NRG3: variants seen among roughly 807,000 people sequenced by gnomAD.
NRG3 encodes the protein neuregulin 3, also known as pro-neuregulin-3, membrane-bound isoform.
In NRG3, 31 loss-of-function variants were observed where a neutral mutation model predicts 66.9. That is an observed-to-expected ratio of 0.46 (90% CI 0.35 to 0.63). The LOEUF is 0.63. Among genes scored for constraint, NRG3 ranks in the 20% least tolerant of loss-of-function variants. The probability of loss-of-function intolerance (pLI) is 0.00; values close to 1 mark genes in which losing one functional copy is unlikely to be tolerated. For synonymous variants in NRG3, 393 were observed against 359.4 expected, an observed-to-expected ratio of 1.09 and a Z score of -1.06; for missense variants, 910 against 878.9, an observed-to-expected ratio of 1.04 and a Z score of -0.45.
chr10:82,280,295 G>A (rs1343116831), intron 1 of NRG3, among the ~76,000 whole-genome samples: 1 of 152,134 alleles, frequency 6.6e-6, no homozygotes, highest in Non-Finnish European at 1.5e-5. Context: ...TAAAACAGGT[G>A]GGTTCCCTTA....
intron 4 of NRG3, among the ~76,000 whole-genome samples, chr10:82,878,999 C>A (rs1327604552): frequency 6.6e-6 from 1 of 152,164 alleles, no homozygotes. Context: ...GTGGTTGATT[C>A]CTTCTCATAA....
At chr10:82,767,852 A>G (rs1473044197) in intron 3 of NRG3, among the ~76,000 whole-genome samples, 2 of 149,030 alleles carry the variant, frequency 1.3e-5, no homozygotes, top group African/African-American at 2.5e-5. Context: ...ATATTTTCTT[A>G]TTTTCTATGA....
chr10:82,813,682 C>T (rs533492521), intron 3 of NRG3, among the ~76,000 whole-genome samples: 1 of 152,214 alleles, frequency 6.6e-6, no homozygotes, highest in Non-Finnish European at 1.5e-5. Context: ...ATTAATTAAA[C>T]GGGCTGTCTT....
At chr10:82,895,726 G>A (rs891983298) in intron 4 of NRG3, among the ~76,000 whole-genome samples, 6 of 152,140 alleles carry the variant, frequency 3.9e-5, no homozygotes, top group African/African-American at 9.6e-5. Flanking sequence ...TCCTCACCTC[G>A]TGATCCGCCC....
chr10:82,702,536 G>C (rs2055964439), intron 2 of NRG3, among the ~76,000 whole-genome samples: 1 of 152,166 alleles, frequency 6.6e-6, no homozygotes. Flanking sequence ...ATGTAACTGA[G>C]AAACAAGAAC....
intron 2 of NRG3, among the ~76,000 whole-genome samples, chr10:82,498,961 C>A (rs1227688894): frequency 6.6e-6 from 1 of 152,018 alleles, no homozygotes; most frequent in Non-Finnish European, 1.5e-5. Flanking sequence ...AGATGAGACT[C>A]CAGGGCATCA....
At chr10:82,982,669 T>C (rs572664620) in intron 8 of NRG3, among the ~76,000 whole-genome samples, 1 of 152,170 alleles carries the variant, frequency 6.6e-6, no homozygotes, top group Admixed American at 6.5e-5. Flanking sequence ...AAGTTAGTGT[T>C]ACTACCTGAT....
At chr10:82,773,717 CT>C (rs1285439772) in intron 3 of NRG3, among the ~76,000 whole-genome samples, 1 of 151,994 alleles carries the variant, frequency 6.6e-6, no homozygotes, top group Non-Finnish European at 1.5e-5. Flanking sequence ...TCTTATATCT[CT>C]TGCTAGCACT....
At chr10:82,670,442 T>A (rs2053177462) in intron 2 of NRG3, among the ~76,000 whole-genome samples, 1 of 151,888 alleles carries the variant, frequency 6.6e-6, no homozygotes, top group Non-Finnish European at 1.5e-5. Context: ...TCAGTCACGC[T>A]TATTATTCAG....
intron 4 of NRG3, among the ~76,000 whole-genome samples, chr10:82,901,651 A>G (rs1302451183): frequency 2.0e-5 from 3 of 152,226 alleles, no homozygotes; most frequent in Non-Finnish European, 2.9e-5. Flanking sequence ...AATGGTACAT[A>G]CAGAACAGGT....
intron 2 of NRG3, among the ~76,000 whole-genome samples, chr10:82,573,335 A>T (rs2045849487): frequency 6.6e-6 from 1 of 151,794 alleles, no homozygotes; most frequent in South Asian, 2.1e-4. Context: ...TTAATTTTTC[A>T]AAGTTTACTT....
At chr10:82,111,408 T>G (rs1203025506) in intron 1 of NRG3, among the ~76,000 whole-genome samples, 3 of 152,190 alleles carry the variant, frequency 2.0e-5, no homozygotes, top group African/African-American at 7.2e-5. Context: ...ATATTCTTAA[T>G]TGAGTTTGAT....
At chr10:82,857,310 AG>A (rs1247668333) in intron 3 of NRG3, among the ~76,000 whole-genome samples, 1 of 152,216 alleles carries the variant, frequency 6.6e-6, no homozygotes, top group Admixed American at 6.5e-5. Flanking sequence ...AGGTATCAGC[AG>A]TGGAGTTTTG....
intron 1 of NRG3, among the ~76,000 whole-genome samples, chr10:81,936,552 G>A (rs547236814): frequency 5.9e-5 from 9 of 152,272 alleles, no homozygotes; most frequent in African/African-American, 1.9e-4. Flanking sequence ...GTACAGAAGT[G>A]AGTGGGAGAA....
At position 82,181,929 on chromosome 10, in the gene NRG3, G is replaced by A. The variant is rs77804940; in HGVS notation, c.824-176810G>A. 2.0e-5 allele frequency among the ~76,000 whole-genome samples: 3 copies of A among 151,630 alleles called. No homozygotes were observed. In the South Asian group the frequency reaches 6.2e-4, roughly 31 times the overall value. ...CAATGTTTGCTTCATATGTTTAGAT[G>A]CTCTGATATTGTATACATATGTATT... On this transcript the variant is annotated intron_variant, in intron 1 of 8. Coordinates refer to ENST00000372141, the MANE Select transcript of NRG3 (RefSeq NM_001010848.4).
intron 1 of NRG3, among the ~76,000 whole-genome samples, chr10:82,312,014 C>T (rs1429085944): frequency 6.6e-6 from 1 of 152,174 alleles, no homozygotes; most frequent in Non-Finnish European, 1.5e-5. Flanking sequence ...GACACATGAT[C>T]TTCAAATGTG....
chr10:82,788,420 AT>A (rs1298368960), intron 3 of NRG3, among the ~76,000 whole-genome samples: 1 of 152,044 alleles, frequency 6.6e-6, no homozygotes, highest in Admixed American at 6.6e-5. Context: ...AAATACAAAA[AT>A]TACCTGGGCA....
intron 2 of NRG3, among the ~76,000 whole-genome samples, chr10:82,629,972 A>G (rs545323287): frequency 6.6e-6 from 1 of 152,152 alleles, no homozygotes; most frequent in Non-Finnish European, 1.5e-5. Context: ...GTGATTTTGT[A>G]TCATTCTGGG....
intron 1 of NRG3, among the ~76,000 whole-genome samples, chr10:82,103,798 C>T (rs937985644): frequency 6.6e-6 from 1 of 152,014 alleles, no homozygotes; most frequent in Non-Finnish European, 1.5e-5. Context: ...CGTGCCTGGG[C>T]TGCCACTACC....
Sources: allele counts gnomAD v4.1 joint callset (sites outside exome capture counted in the v4.1 genomes callset), GRCh38; gene constraint gnomAD v4.1.1; transcripts MANE v1.5; gene names NCBI Gene and HGNC (gene_info 2026-07-23, HGNC 2026-07-21).